The following LRRC37B variants were observed in gnomAD, a reference collection of about 807,000 sequenced individuals.
The protein encoded by LRRC37B is leucine-rich repeat-containing protein 37B.
Under a neutral mutation model 98.3 loss-of-function variants are expected in LRRC37B, and 28 were observed. The observed-to-expected ratio is 0.28, with a 90% CI of 0.21 to 0.39. The LOEUF (loss-of-function observed/expected upper bound fraction) is 0.39. LRRC37B is among the 10% of genes least tolerant of loss of function. LRRC37B has a pLI of 1.00. For missense variants in LRRC37B, 938 were observed against 1,182.7 expected, an observed-to-expected ratio of 0.79 and a Z score of 3.03; for synonymous variants, 364 against 442.7, an observed-to-expected ratio of 0.82 and a Z score of 2.23.
intron 7 of LRRC37B, chr17:32,041,962 G>T (rs1249248308): frequency 5.3e-6 from 2 of 377,930 alleles, no homozygotes; most frequent in South Asian, 3.9e-5. Flanking sequence ...GAGTGTCCCT[G>T]TGGGGTGGCT....
chr17:32,015,983 A>G (rs1312025648), intron 1 of LRRC37B, among the ~76,000 whole-genome samples: 2 of 152,254 alleles, frequency 1.3e-5, no homozygotes, highest in Non-Finnish European at 2.9e-5. Context: ...TCAGCAAAGT[A>G]AGATAATTTC....
chr17:32,050,156 T>A, intron 11 of LRRC37B, 49 bp downstream of exon 14: 2 of 1,031,600 alleles, frequency 1.9e-6, no homozygotes, highest in Non-Finnish European at 3.1e-6. Flanking sequence ...CCTGTGTTTG[T>A]GTGGATTCAG....
At chr17:32,040,404 T>C in intron 7 of LRRC37B, 1 of 502,690 alleles carries the variant, frequency 2.0e-6, no homozygotes, top group Non-Finnish European at 3.8e-6. Context: ...GCTGGCACGG[T>C]CCGGGCGGAG....
intron 2 of LRRC37B, among the ~76,000 whole-genome samples, chr17:32,027,150 G>C (rs528771586): frequency 6.6e-6 from 1 of 152,364 alleles, no homozygotes; most frequent in Admixed American, 6.5e-5. Flanking sequence ...TTGCAGCCCT[G>C]ACATGGTCCC....
At chr17:32,008,080 TGAC>T (rs753979422) in exon 1 of LRRC37B, 4 of 467,398 alleles carry the variant, frequency 8.6e-6, no homozygotes, top group African/African-American at 6.1e-5. Context: ...AGCTGGAAGA[TGAC>T]GACGAGGACG....
exon 1 of LRRC37B, chr17:32,021,728 A>C (rs1410949204): frequency 3.1e-6 from 5 of 1,614,130 alleles, no homozygotes; most frequent in African/African-American, 2.7e-5. Flanking sequence ...ACCTGAAGAA[A>C]GATCTAGCTG....
At chr17:32,008,321 G>T (rs1053274113) in intron 1 of LRRC37B, among the ~76,000 whole-genome samples, 189 bp downstream of exon 1, 1 of 152,186 alleles carries the variant, frequency 6.6e-6, no homozygotes, top group African/African-American at 2.4e-5. Flanking sequence ...GAAGCACATT[G>T]TTCAAAATGG....
intron 8 of LRRC37B, among the ~76,000 whole-genome samples, chr17:32,046,515 AGT>A (rs1174761085): frequency 2.0e-5 from 3 of 152,144 alleles, no homozygotes; most frequent in African/African-American, 7.2e-5. Flanking sequence ...GGTATCTACC[AGT>A]GATATGGGGT....
At chr17:32,026,785 A>G (rs974149472) in intron 2 of LRRC37B, among the ~76,000 whole-genome samples, 3 of 152,216 alleles carry the variant, frequency 2.0e-5, no homozygotes, top group African/African-American at 7.2e-5. Flanking sequence ...GTGGTTACCT[A>G]TTAGGGTTAG....
intron 2 of LRRC37B, among the ~76,000 whole-genome samples, chr17:32,027,177 A>G (rs1258494978): frequency 6.6e-6 from 1 of 152,174 alleles, no homozygotes; most frequent in Non-Finnish European, 1.5e-5. Flanking sequence ...GGCTTTTGTA[A>G]TAAGGTTTGG....
At chr17:32,024,723 A>C (rs755543429) in exon 2 of LRRC37B, 1 of 1,607,532 alleles carries the variant, frequency 6.2e-7, no homozygotes, top group Non-Finnish European at 8.5e-7. Flanking sequence ...ATTTCCAAGG[A>C]AACTATATTT....
chr17:32,048,789 T>C (rs1911659881), intron 9 of LRRC37B, among the ~76,000 whole-genome samples: 2 of 151,436 alleles, frequency 1.3e-5, no homozygotes, highest in Admixed American at 6.6e-5. Flanking sequence ...TCGCAAGGGG[T>C]TTTTTCATCC....
At chr17:32,024,923 A>G (rs1047665576) in intron 2 of LRRC37B, 141 bp downstream of exon 5, 7 of 1,048,644 alleles carry the variant, frequency 6.7e-6, no homozygotes, top group Admixed American at 6.8e-5. Flanking sequence ...TTGCAATCCT[A>G]TGGTTATTTT....
At chr17:32,048,002 G>A in intron 9 of LRRC37B, 101 bp downstream of exon 12, 1 of 1,596,430 alleles carries the variant, frequency 6.3e-7, no homozygotes, top group Non-Finnish European at 8.6e-7. Context: ...AATCAATATT[G>A]TTACCGTTCA....
upstream of LRRC37B, among the ~76,000 whole-genome samples, chr17:32,018,527 T>G (rs1910694409): frequency 6.6e-6 from 1 of 152,124 alleles, no homozygotes; most frequent in African/African-American, 2.4e-5. Context: ...TATTTGAAGT[T>G]TGGAGAGCAA....
In LRRC37B at chr17:32,013,710, ATGTGTGTGTG is replaced by A. The variant is rs141872427; in HGVS notation, c.-190-4246_-190-4237del. ...TAGTCCCCCTCCCTTATAATTGTAT[ATGTGTGTGTG>A]TGTGTGTGTGTGTGTATCTATATAC... is the stretch of plus-strand genomic sequence containing the variant. On this transcript the variant is annotated intron_variant, in intron 1 of 14. Transcript: ENST00000543378. Among the ~76,000 whole-genome samples the A allele has an allele frequency of 2.9e-3, 431 of 148,166 alleles. 2 individuals are homozygous for A. Among genetic ancestry groups the A allele is most frequent in the Admixed American group, 0.023 (343 of 14,860 alleles).
chr17:32,053,157 G>C (rs1911805863), intron 11 of LRRC37B, 109 bp from the exon 15 acceptor site: 11 of 765,784 alleles, frequency 1.4e-5, no homozygotes, highest in Non-Finnish European at 2.5e-5. Flanking sequence ...CTTCAAAAAA[G>C]TTATCTCATC....
At position 32,045,557 on chromosome 17, in the gene LRRC37B, C is replaced by T. The variant is rs146301409; in HGVS notation, c.2205-143C>T. On this transcript the variant is annotated intron_variant, in intron 7 of 11. Coordinates refer to ENST00000327564, the Ensembl canonical transcript of LRRC37B. ...GCACCTGTGTCCTCCTTCCCATTGG[C>T]CTTCTGGTTCCTACCCAAGTGTCCA... The T allele has an allele frequency of 5.1e-4, 437 of 853,764 alleles. No individual in the cohort carries two copies. The Admixed American group carries it at 5.7e-3, about 11-fold the overall frequency. The allele number at this position is 853,764 out of a possible 1,614,324, so 52.9% of individuals were successfully genotyped here. A position where few individuals can be genotyped will look rare whatever the true frequency, so the allele number is the denominator to read the frequency against.
chr17:32,014,134 C>T (rs761268077), intron 1 of LRRC37B, among the ~76,000 whole-genome samples: 7 of 152,134 alleles, frequency 4.6e-5, no homozygotes, highest in South Asian at 2.1e-4. Flanking sequence ...ATGTTGTCCC[C>T]GATAAACTCC....
Sources: allele counts gnomAD v4.1 joint callset (sites outside exome capture counted in the v4.1 genomes callset), GRCh38; gene constraint gnomAD v4.1.1; transcripts MANE v1.5; gene names NCBI Gene and HGNC (gene_info 2026-07-23, HGNC 2026-07-21).